Variants in NTM observed in about 807,000 individuals in gnomAD.
NTM encodes IgLON family member 2.
A neutral mutation model predicts 42.1 loss-of-function variants in NTM; 13 were observed. The observed-to-expected ratio is 0.31, with a 90% CI of 0.20 to 0.49. The LOEUF is 0.49. Among genes scored for constraint, NTM ranks in the 20% least tolerant of loss-of-function variants. The pLI, the probability that NTM is intolerant of heterozygous loss-of-function variation, is 0.99. For synonymous variants in NTM, 187 were observed against 179.2 expected, an observed-to-expected ratio of 1.04 and a Z score of -0.35; for missense variants, 373 against 452.8, an observed-to-expected ratio of 0.82 and a Z score of 1.60.
At chr11:131,727,489 A>G (rs1442609273) in intron 1 of NTM, among the ~76,000 whole-genome samples, 3 of 152,150 alleles carry the variant, frequency 2.0e-5, no homozygotes, top group African/African-American at 4.8e-5. Flanking sequence ...TTCCTGCAGC[A>G]GGAGGAGTAA....
chr11:131,839,853 T>C (rs993070931), intron 1 of NTM, among the ~76,000 whole-genome samples: 8 of 152,150 alleles, frequency 5.3e-5, no homozygotes, highest in African/African-American at 1.9e-4. Context: ...CAGTGAACCA[T>C]TGGGAGATAG....
At chr11:131,615,302 G>A (rs1281182373) in intron 1 of NTM, among the ~76,000 whole-genome samples, 3 of 152,136 alleles carry the variant, frequency 2.0e-5, no homozygotes, top group Non-Finnish European at 4.4e-5. Context: ...GTTGGCAGGC[G>A]AAGTGAAGGG....
intron 1 of NTM, among the ~76,000 whole-genome samples, chr11:131,372,457 T>G (rs758539359): frequency 3.2e-4 from 49 of 152,142 alleles, no homozygotes; most frequent in Non-Finnish European, 6.2e-4. Flanking sequence ...TGTGTGTGTG[T>G]GCGTGCGTGT....
At chr11:131,761,809 C>CAATAAATA (rs200691057) in intron 1 of NTM, among the ~76,000 whole-genome samples, 51 of 139,252 alleles carry the variant, frequency 3.7e-4, no homozygotes, top group African/African-American at 9.6e-4. Context: ...AACTCTGTCT[C>CAATAAATA]AATAAATAAA....
rs535297035 is a variant in NTM, at chr11:131,516,747, G to T, written c.82+145859G>T. ...TATTAATTGGGCATTGGAGGTGGAG[G>T]ACTGGAAAAGCATAAAAGCGTTTCT... On this transcript the variant is annotated intron_variant, in intron 1 of 8. Coordinates refer to ENST00000683400, the MANE Select transcript of NTM (RefSeq NM_001352005.2). 2.6e-4 allele frequency among the ~76,000 whole-genome samples: 40 copies of T among 152,296 alleles called. No individual in the cohort carries two copies. In the South Asian group the frequency reaches 7.5e-3, roughly 28 times the overall value.
intron 2 of NTM, among the ~76,000 whole-genome samples, chr11:132,066,908 T>G (rs1392435342): frequency 6.6e-6 from 1 of 152,024 alleles, no homozygotes; most frequent in Non-Finnish European, 1.5e-5. Flanking sequence ...CCATATAAGC[T>G]CATGTCCACA....
At chr11:131,627,086 C>A (rs1316343680) in intron 1 of NTM, among the ~76,000 whole-genome samples, 2 of 152,208 alleles carry the variant, frequency 1.3e-5, no homozygotes, top group African/African-American at 4.8e-5. Flanking sequence ...CTAAAAGACA[C>A]AGTTTGATGT....
intron 1 of NTM, among the ~76,000 whole-genome samples, chr11:131,591,463 T>G (rs377119067): frequency 7.2e-5 from 11 of 152,230 alleles, no homozygotes; most frequent in African/African-American, 2.7e-4. Flanking sequence ...GGCTCCCCAC[T>G]GGGTTTAGGA....
chr11:131,868,806 T>C (rs1241052478), intron 1 of NTM, among the ~76,000 whole-genome samples: 1 of 152,220 alleles, frequency 6.6e-6, no homozygotes, highest in Non-Finnish European at 1.5e-5. Context: ...TATTTCCTGC[T>C]CTGATCTCTC....
chr11:131,371,005 G>A (rs2135454270), intron 1 of NTM, 117 bp downstream of exon 1: 1 of 1,520,900 alleles, frequency 6.6e-7, no homozygotes, highest in Non-Finnish European at 8.8e-7. Flanking sequence ...GGAGGAGAGA[G>A]CGTTTAGACA....
At chr11:131,544,384 C>T (rs1466248489) in intron 1 of NTM, among the ~76,000 whole-genome samples, 1 of 152,164 alleles carries the variant, frequency 6.6e-6, no homozygotes, top group Non-Finnish European at 1.5e-5. Context: ...TCTCCCCTAC[C>T]TCCTCTTCTT....
chr11:132,154,970 T>C (rs1285556981), intron 3 of NTM, among the ~76,000 whole-genome samples: 1 of 152,188 alleles, frequency 6.6e-6, no homozygotes, highest in Non-Finnish European at 1.5e-5. Context: ...TGGTGGCATG[T>C]TTTCTTTATG....
At chr11:131,947,287 T>C (rs1288689573) in intron 2 of NTM, among the ~76,000 whole-genome samples, 1 of 152,192 alleles carries the variant, frequency 6.6e-6, no homozygotes, top group Non-Finnish European at 1.5e-5. Context: ...TACCTGGTAT[T>C]GAGGGACTGG....
At chr11:131,638,427 A>T (rs565857462) in intron 1 of NTM, among the ~76,000 whole-genome samples, 1 of 152,074 alleles carries the variant, frequency 6.6e-6, no homozygotes, top group African/African-American at 2.4e-5. Context: ...TTAGCCGGGC[A>T]TGATGGCGGG....
intron 1 of NTM, among the ~76,000 whole-genome samples, chr11:131,773,714 C>T (rs1394352314): frequency 6.6e-6 from 1 of 152,170 alleles, no homozygotes; most frequent in Non-Finnish European, 1.5e-5. Context: ...TAATACGTTG[C>T]TTCAAACTCA....
At chr11:132,329,092 T>A (rs2095746938) in intron 7 of NTM, among the ~76,000 whole-genome samples, 1 of 152,196 alleles carries the variant, frequency 6.6e-6, no homozygotes, top group South Asian at 2.1e-4. Flanking sequence ...AAGGTGTGAA[T>A]GCACAAGTAC....
intron 1 of NTM, among the ~76,000 whole-genome samples, chr11:131,589,247 A>G (rs2059154744): frequency 6.6e-6 from 1 of 151,302 alleles, no homozygotes. Flanking sequence ...AAGTCAGAAG[A>G]CCCAGTTTCT....
intron 1 of NTM, among the ~76,000 whole-genome samples, chr11:131,573,837 G>A (rs1438402327): frequency 6.6e-6 from 1 of 152,074 alleles, no homozygotes; most frequent in Non-Finnish European, 1.5e-5. Flanking sequence ...ACCAAAATGT[G>A]CCTGTCCCCA....
chr11:131,521,272 G>A (rs1185177579), intron 1 of NTM, among the ~76,000 whole-genome samples: 2 of 148,034 alleles, frequency 1.4e-5, no homozygotes, highest in African/African-American at 2.5e-5. Context: ...CCAAGATCGT[G>A]CCACTGTACT....
Sources: gnomAD v4.1 joint callset for allele counts (sites outside exome capture counted in the v4.1 genomes callset) on GRCh38, gnomAD v4.1.1 for gene constraint, MANE v1.5 for transcripts, NCBI Gene and HGNC (gene_info 2026-07-23, HGNC 2026-07-21) for gene names.